Variants in TGFBR3 observed in about 807,000 individuals in gnomAD.
TGFBR3 encodes transforming growth factor beta receptor type 3.
TGFBR3 carries 46 observed loss-of-function variants against 87.9 expected under a neutral mutation model. The observed-to-expected ratio is 0.52, with a 90% CI of 0.41 to 0.67. The LOEUF (loss-of-function observed/expected upper bound fraction) is 0.67. Ranked by LOEUF, TGFBR3 falls within the 30% of genes least tolerant of loss-of-function variation. TGFBR3 has a pLI of 0.00. For synonymous variants in TGFBR3, 381 were observed against 391.6 expected (o/e 0.97, Z 0.32); for missense variants, 866 against 1,041.9 (o/e 0.83, Z 2.32).
chr1:91,803,465 T>C (rs1256382907), intron 2 of TGFBR3, among the ~76,000 whole-genome samples: 19 of 151,774 alleles, frequency 1.3e-4, no homozygotes, highest in Non-Finnish European at 2.6e-4. Context: ...AGCAGCATGC[T>C]GAGGAGGGCA....
At chr1:91,845,460 T>G (rs574476605) in intron 2 of TGFBR3, among the ~76,000 whole-genome samples, 1 of 152,210 alleles carries the variant, frequency 6.6e-6, no homozygotes, top group Non-Finnish European at 1.5e-5. Flanking sequence ...TTCTATACTT[T>G]GATCTTCAGC....
At position 91,830,937 on chromosome 1, in the gene TGFBR3, T is replaced by C. The variant is rs529025255; in HGVS notation, c.61+30534A>G. The stretch of plus-strand genomic sequence containing the variant: ...TGGGAAACGGCTCTCACCACCCCCA[T>C]AGCAGGAAGCACAACACGCCTCCCA... On this transcript the variant is annotated intron_variant, in intron 2 of 16. Coordinates refer to ENST00000212355, the MANE Select transcript of TGFBR3 (RefSeq NM_003243.5). Among the ~76,000 whole-genome samples, 20 of 152,090 alleles carry C rather than the reference T, an allele frequency of 1.3e-4. No individual in the cohort carries two copies. The East Asian group carries it at 2.9e-3, about 22-fold the overall frequency.
intron 14 of TGFBR3, among the ~76,000 whole-genome samples, chr1:91,704,563 G>GCTC (rs1671731276): frequency 1.3e-5 from 2 of 152,166 alleles, no homozygotes; most frequent in Admixed American, 1.3e-4. Context: ...TCACTATACA[G>GCTC]AGGTGCTATG....
At chr1:91,688,752 A>G (rs1449515674) in intron 16 of TGFBR3, among the ~76,000 whole-genome samples, 2 of 152,150 alleles carry the variant, frequency 1.3e-5, no homozygotes, top group Non-Finnish European at 2.9e-5. Flanking sequence ...TCAAGCGCAT[A>G]CCCAAAAGTC....
upstream of TGFBR3, among the ~76,000 whole-genome samples, chr1:91,890,904 T>G (rs1571608992): frequency 2.2e-5 from 1 of 44,964 alleles, no homozygotes; most frequent in Non-Finnish European, 5.7e-5. Context: ...TCATATTTCC[T>G]TTTTTTTTTT....
chr1:91,704,529 T>C (rs1040389195), intron 14 of TGFBR3, among the ~76,000 whole-genome samples: 1 of 152,160 alleles, frequency 6.6e-6, no homozygotes, highest in East Asian at 1.9e-4. Flanking sequence ...ACCATTTATA[T>C]GTTGTGTGCC....
At chr1:91,886,210 G>T (rs974351019), upstream of TGFBR3, 1 of 452,472 alleles carries the variant, frequency 2.2e-6, no homozygotes, top group Non-Finnish European at 4.4e-6. Context: ...GGGCGGGGAC[G>T]GGCAGGACGC....
intron 12 of TGFBR3, among the ~76,000 whole-genome samples, chr1:91,712,880 G>A (rs7521418): frequency 0.38 from 57,128 of 152,006 alleles, 11,179 homozygotes; most frequent in Non-Finnish European, 0.44. Context: ...TGGATTTTCC[G>A]AAGTAAATAA....
Position 91,727,713 on chromosome 1 carries a change from C to T in TGFBR3, c.831G>A (p.Lys277=), listed in dbSNP as rs767815459. 1.2e-6 allele frequency: 2 copies of T among 1,614,010 alleles called. No individual in the cohort carries two copies. Among genetic ancestry groups the T allele is most frequent in the South Asian group, 1.1e-5 (1 of 91,090 alleles). Residue 277 remains lysine, a synonymous_variant, in exon 7 of 17, where the codon AAG becomes AAA. Coordinates refer to ENST00000212355, the MANE Select transcript of TGFBR3 (RefSeq NM_003243.5). ...AAGATTTGATCACCCAGTTGACAGA[C>T]TTTTTGCACTTCAAGATCAGGATGA... ...KNLILILKCK[K]SVNWVIKSFD... is the part of the protein sequence containing the mutation.
intron 1 of TGFBR3, among the ~76,000 whole-genome samples, chr1:91,874,698 CT>C (rs1283158327): frequency 3.3e-5 from 5 of 152,060 alleles, no homozygotes; most frequent in African/African-American, 1.2e-4. Context: ...TTTCACCATG[CT>C]GGCCAGGCTG....
intron 2 of TGFBR3, among the ~76,000 whole-genome samples, chr1:91,854,498 C>A (rs1677863719): frequency 6.6e-6 from 1 of 152,160 alleles, no homozygotes. Flanking sequence ...ACTGTGACCA[C>A]CTCACTCGAC....
In TGFBR3 at chr1:91,797,383, T is replaced by C. The variant is rs763228514; in HGVS notation, c.150A>G (p.Ser50=). The change falls in exon 3 of 17, where the codon TCA becomes TCG. Residue 50 remains serine, a synonymous_variant. Transcript: ENST00000212355. ...QALMESFTVL[S]GCASRGTTGL... is the part of the protein sequence containing the mutation. ...CAGTTGTGCCTCTGCTGGCACAGCCTGACAAAACAGTGAAGCTCTCCATCA... is the reference window on the plus strand; with the variant it reads ...CAGTTGTGCCTCTGCTGGCACAGCCCGACAAAACAGTGAAGCTCTCCATCA... 5 of 1,614,210 alleles carry C rather than the reference T, an allele frequency of 3.1e-6. No individual in the cohort carries two copies. In the African/African-American group the frequency reaches 5.3e-5, roughly 17 times the overall value.
At chr1:91,878,225 A>G (rs1029799892) in intron 1 of TGFBR3, among the ~76,000 whole-genome samples, 2 of 152,122 alleles carry the variant, frequency 1.3e-5, no homozygotes, top group African/African-American at 2.4e-5. Flanking sequence ...CATGAACACA[A>G]GCCTTTGTGA....
chr1:91,807,852 G>C (rs1411411239), intron 2 of TGFBR3, among the ~76,000 whole-genome samples: 1 of 152,154 alleles, frequency 6.6e-6, no homozygotes, highest in Non-Finnish European at 1.5e-5. Flanking sequence ...TGGGTTTTAA[G>C]CATTCCATGA....
chr1:91,755,910 T>C (rs919642355), intron 4 of TGFBR3, among the ~76,000 whole-genome samples: 1 of 152,090 alleles, frequency 6.6e-6, no homozygotes, highest in Admixed American at 6.6e-5. Context: ...CAGATGCAAA[T>C]TCAACACCCG....
intron 15 of TGFBR3, 73 bp from the exon 16 acceptor site, chr1:91,695,852 T>G (rs1671420781): frequency 8.2e-7 from 1 of 1,212,438 alleles, no homozygotes; most frequent in Non-Finnish European, 1.2e-6. Context: ...TTATATTTGT[T>G]TCACAAGCAC....
At chr1:91,692,011 G>GA (rs1295814006) in intron 16 of TGFBR3, among the ~76,000 whole-genome samples, 3 of 150,988 alleles carry the variant, frequency 2.0e-5, no homozygotes, top group Admixed American at 6.6e-5. Flanking sequence ...ACAAAAAAAA[G>GA]AAAAAAAAGA....
At chr1:91,684,960 C>T (rs1238395899) in intron 16 of TGFBR3, among the ~76,000 whole-genome samples, 3 of 152,180 alleles carry the variant, frequency 2.0e-5, no homozygotes, top group African/African-American at 7.2e-5. Context: ...AGATAAGCAA[C>T]CCTTCCAGCT....
intron 4 of TGFBR3, among the ~76,000 whole-genome samples, chr1:91,746,760 C>A (rs571727355): frequency 2.0e-5 from 3 of 152,086 alleles, no homozygotes; most frequent in Non-Finnish European, 4.4e-5. Context: ...ATAATCTCAA[C>A]TCCATTTTAC....
Sources: allele counts gnomAD v4.1 joint callset (sites outside exome capture counted in the v4.1 genomes callset), GRCh38; gene constraint gnomAD v4.1.1; transcripts MANE v1.5; gene names NCBI Gene and HGNC (gene_info 2026-07-23, HGNC 2026-07-21).